Variants in TXNDC16 observed in about 807,000 individuals in gnomAD.
The protein encoded by TXNDC16 is thioredoxin domain containing 16, also known as thioredoxin domain-containing protein 16.
A neutral mutation model predicts 85.6 loss-of-function variants in TXNDC16; 74 were observed. The ratio of observed to expected loss-of-function variants is 0.86; its 90% CI spans 0.72 to 1.05. The LOEUF is 1.05. Among genes scored for constraint, TXNDC16 ranks in the 50% least tolerant of loss-of-function variants. The probability of loss-of-function intolerance (pLI) is 0.00; values close to 1 mark genes in which losing one functional copy is unlikely to be tolerated. For synonymous variants in TXNDC16, 335 were observed against 326.5 expected, an observed-to-expected ratio of 1.03 and a Z score of -0.28; for missense variants, 959 against 947.0, an observed-to-expected ratio of 1.01 and a Z score of -0.17.
At chr14:52,547,087 G>T (rs1322762094) in intron 1 of TXNDC16, among the ~76,000 whole-genome samples, 1 of 152,178 alleles carries the variant, frequency 6.6e-6, no homozygotes, top group Non-Finnish European at 1.5e-5. Flanking sequence ...GGTATTAAAA[G>T]AAAAATACCC....
At chr14:52,470,271 AG>A in intron 15 of TXNDC16, 98 bp from the exon 16 acceptor site, 1 of 958,958 alleles carries the variant, frequency 1.0e-6, no homozygotes, top group African/African-American at 1.7e-5. Flanking sequence ...TATATTACAT[AG>A]GATAATATCT....
chr14:52,525,699 A>AAAT (rs199701557), intron 6 of TXNDC16, among the ~76,000 whole-genome samples: 21,097 of 120,932 alleles, frequency 0.17, 1,611 homozygotes, highest in South Asian at 0.23. Flanking sequence ...CTCCATCTCA[A>AAAT]AATAATAATA....
intron 18 of TXNDC16, among the ~76,000 whole-genome samples, chr14:52,452,744 G>A (rs2035440923): frequency 6.6e-6 from 1 of 152,002 alleles, no homozygotes; most frequent in South Asian, 2.1e-4. Flanking sequence ...AAAACACTGG[G>A]GAAACTCTAC....
At chr14:52,526,545 TC>T (rs1190539986) in intron 6 of TXNDC16, among the ~76,000 whole-genome samples, 1 of 152,168 alleles carries the variant, frequency 6.6e-6, no homozygotes, top group Non-Finnish European at 1.5e-5. Flanking sequence ...GAAGTCCCAT[TC>T]TAAGCTTGTT....
chr14:52,439,038 C>G (rs1054887301), intron 20 of TXNDC16, among the ~76,000 whole-genome samples, 166 bp downstream of exon 20: 2 of 152,196 alleles, frequency 1.3e-5, no homozygotes, highest in Non-Finnish European at 2.9e-5. Flanking sequence ...GAGCCGATCA[C>G]TGACTGAAGC....
intron 6 of TXNDC16, among the ~76,000 whole-genome samples, chr14:52,529,028 T>C (rs1457865079): frequency 6.7e-6 from 1 of 148,428 alleles, no homozygotes; most frequent in Non-Finnish European, 1.5e-5. Context: ...ATACCTATTA[T>C]ATATTATCTA....
intron 9 of TXNDC16, among the ~76,000 whole-genome samples, chr14:52,493,723 A>G (rs1005192906): frequency 6.6e-6 from 1 of 152,174 alleles, no homozygotes; most frequent in Non-Finnish European, 1.5e-5. Flanking sequence ...AATAACCAAT[A>G]GAGTGGATAA....
At chr14:52,542,689 A>G (rs2037857642) in intron 3 of TXNDC16, among the ~76,000 whole-genome samples, 2 of 152,176 alleles carry the variant, frequency 1.3e-5, no homozygotes, top group Non-Finnish European at 2.9e-5. Context: ...TCCTAAAACA[A>G]CAATATAATA....
intron 7 of TXNDC16, among the ~76,000 whole-genome samples, chr14:52,517,634 G>C (rs1401984981): frequency 6.6e-6 from 1 of 151,884 alleles, no homozygotes; most frequent in Non-Finnish European, 1.5e-5. Flanking sequence ...TCCCACCCAA[G>C]AACAACCCCT....
intron 16 of TXNDC16, among the ~76,000 whole-genome samples, chr14:52,467,856 T>G (rs2035813349): frequency 6.6e-6 from 1 of 152,156 alleles, no homozygotes; most frequent in African/African-American, 2.4e-5. Context: ...CAAAAATTCA[T>G]TAATGGATAA....
At chr14:52,450,451 G>GAAAAAAAAAAAAAAAAAAAAAAAA (rs58802501) in intron 18 of TXNDC16, among the ~76,000 whole-genome samples, 1 of 118,420 alleles carries the variant, frequency 8.4e-6, no homozygotes, top group African/African-American at 3.0e-5. Context: ...AAGGCTTCCA[G>GAAAAAAAAAAAAAAAAAAAAAAAA]AAAAAAAAAA....
intron 18 of TXNDC16, among the ~76,000 whole-genome samples, chr14:52,444,285 G>A (rs1226204155): frequency 2.6e-5 from 4 of 152,104 alleles, no homozygotes; most frequent in Non-Finnish European, 5.9e-5. Flanking sequence ...AAGGAACTCA[G>A]TTTATCTGAG....
At chr14:52,507,070 C>T (rs1179439692) in intron 9 of TXNDC16, among the ~76,000 whole-genome samples, 3 of 152,014 alleles carry the variant, frequency 2.0e-5, no homozygotes, top group African/African-American at 2.4e-5. Context: ...CCAGGGCAAT[C>T]AGGAAAGAGA....
At chr14:52,504,412 T>G (rs575759623) in intron 9 of TXNDC16, among the ~76,000 whole-genome samples, 2,030 of 152,280 alleles carry the variant, frequency 0.013, 44 homozygotes, top group African/African-American at 0.046. Context: ...TGGGGGCCAA[T>G]ATTCAACATT....
At chr14:52,530,715 A>G (rs1022798491) in intron 6 of TXNDC16, among the ~76,000 whole-genome samples, 3 of 142,310 alleles carry the variant, frequency 2.1e-5, no homozygotes, top group East Asian at 2.0e-4. Flanking sequence ...TTTTTTACAT[A>G]TATAAGAACA....
At chr14:52,472,531 T>C (rs2035931738) in intron 14 of TXNDC16, among the ~76,000 whole-genome samples, 1 of 152,184 alleles carries the variant, frequency 6.6e-6, no homozygotes, top group African/African-American at 2.4e-5. Flanking sequence ...TCCCACTGCC[T>C]TGCACAATGT....
chr14:52,507,120 A>C (rs1337624071), intron 9 of TXNDC16, among the ~76,000 whole-genome samples: 3 of 152,130 alleles, frequency 2.0e-5, no homozygotes, highest in Non-Finnish European at 4.4e-5. Context: ...GAGGAAGTCA[A>C]ATTGTCCCTG....
intron 6 of TXNDC16, among the ~76,000 whole-genome samples, chr14:52,531,513 A>C (rs1207734279): frequency 6.6e-6 from 1 of 152,204 alleles, no homozygotes; most frequent in Non-Finnish European, 1.5e-5. Context: ...CCATGAAAAG[A>C]CATGCAGAAA....
rs1379606851 is a variant in TXNDC16, at chr14:52,431,621, T to C, written c.*683A>G. On this transcript the variant is annotated 3_prime_UTR_variant, in exon 21 of 21. Coordinates refer to ENST00000281741, the MANE Select transcript of TXNDC16 (RefSeq NM_020784.3). ...ACTACCATTTCGGGCAGGATAATTC[T>C]TTGTTGTGGGGCGCTGTCCAATGCA... 6.6e-6 allele frequency: 1 copy of C among 152,202 alleles called. No homozygotes were observed. Among genetic ancestry groups the C allele is most frequent in the Non-Finnish European group, 1.5e-5 (1 of 68,046 alleles). 9.4% of individuals were successfully genotyped at this position (152,202 alleles called of 1,614,324 possible).
Sources: allele counts gnomAD v4.1 joint callset (sites outside exome capture counted in the v4.1 genomes callset), GRCh38; gene constraint gnomAD v4.1.1; transcripts MANE v1.5; gene names NCBI Gene and HGNC (gene_info 2026-07-23, HGNC 2026-07-21).